ITGA9: variants seen among roughly 807,000 people sequenced by gnomAD.
ITGA9 encodes integrin alpha-9.
A neutral mutation model predicts 127.8 loss-of-function variants in ITGA9; 56 were observed. The observed-to-expected ratio is 0.44, with a 90% CI of 0.35 to 0.55. The LOEUF (loss-of-function observed/expected upper bound fraction) is 0.55, where lower values mean the gene tolerates loss of function less well. Ranked by LOEUF, ITGA9 falls within the 20% of genes least tolerant of loss-of-function variation. The pLI, the probability that ITGA9 is intolerant of heterozygous loss-of-function variation, is 0.00. For missense variants in ITGA9, 1,196 were observed against 1,347.1 expected (o/e 0.89, Z 1.76); for synonymous variants, 508 against 514.5 (o/e 0.99, Z 0.17).
Position 37,821,299 on chromosome 3 carries a change from T to C in ITGA9, c.*2310T>C, listed in dbSNP as rs1697512057. ...TCAAAAGCAGCAAGAAAAGCAGTCT[T>C]GGGTGGGTTTTATCACTTATTAACA... On this transcript the variant is annotated 3_prime_UTR_variant, in exon 28 of 28. Coordinates refer to ENST00000264741, the MANE Select transcript of ITGA9 (RefSeq NM_002207.3). The C allele has an allele frequency of 6.6e-6, 1 of 152,226 alleles. No individual in the cohort carries two copies. The highest frequency in any genetic ancestry group is 1.5e-5 in the Non-Finnish European group (1 of 68,102). The allele number at this position is 152,226 out of a possible 1,614,324, so 9.4% of individuals were successfully genotyped here.
At chr3:37,562,374 AAC>A (rs1699501993) in intron 15 of ITGA9, among the ~76,000 whole-genome samples, 1 of 152,094 alleles carries the variant, frequency 6.6e-6, no homozygotes, top group African/African-American at 2.4e-5. Flanking sequence ...TTCATTTTGG[AAC>A]TTATTCCACT....
In ITGA9 at chr3:37,523,658, G is replaced by T. The variant is rs1267517341; in HGVS notation, c.1327+47G>T. 3 of 1,281,832 alleles carry T rather than the reference G, an allele frequency of 2.3e-6. No homozygotes were observed. The Admixed American group carries it at 5.0e-5, about 22-fold the overall frequency. The allele number at this position is 1,281,832 out of a possible 1,614,324, so 79.4% of individuals were successfully genotyped here. A position where few individuals can be genotyped will look rare whatever the true frequency, so the allele number is the denominator to read the frequency against. On this transcript the variant is annotated intron_variant, in intron 12 of 27. Coordinates refer to ENST00000264741, the MANE Select transcript of ITGA9 (RefSeq NM_002207.3). ...GCACATGAGATAAATGAAGATAAAT[G>T]CATGAAGTAGAATAATTTTCAGTCT...
At chr3:37,489,914 C>T (rs1404655686) in intron 4 of ITGA9, among the ~76,000 whole-genome samples, 2 of 152,184 alleles carry the variant, frequency 1.3e-5, no homozygotes, top group East Asian at 1.9e-4. Flanking sequence ...GGTGAGAGCA[C>T]ACCTGGACAG....
chr3:37,812,371 C>T (rs564002104), intron 27 of ITGA9, among the ~76,000 whole-genome samples: 13 of 152,350 alleles, frequency 8.5e-5, no homozygotes, highest in South Asian at 6.2e-4. Context: ...CCAAAGGCCG[C>T]GGAGTGGGTA....
Position 37,517,607 on chromosome 3 carries a change from C to T in ITGA9, c.1139C>T (p.Pro380Leu). The change falls in exon 10 of 28, where the codon CCA (proline) becomes CTA (leucine). Residue 380 changes from proline to leucine, a missense_variant and splice_region_variant. By Grantham distance (98) the Pro-to-Leu change is moderately conservative (BLOSUM62 -3). Transcript: ENST00000264741. ...SLDDLDNDGF[P>L]DVAIGAPKED... is the part of the protein sequence containing the mutation. Reference sequence around the variant, plus strand: ...GACGATCTGGACAATGATGGGTTCCCAGGTGAGTGAGTGCTCCTGGTGCAC... The same window carrying T: ...GACGATCTGGACAATGATGGGTTCCTAGGTGAGTGAGTGCTCCTGGTGCAC... The T allele has an allele frequency of 6.4e-7, 1 of 1,573,954 alleles. No individual in the cohort carries two copies. Among genetic ancestry groups the T allele is most frequent in the Non-Finnish European group, 8.6e-7 (1 of 1,158,462 alleles).
At chr3:37,780,892 CT>C (rs1394516888) in intron 25 of ITGA9, among the ~76,000 whole-genome samples, 4 of 152,308 alleles carry the variant, frequency 2.6e-5, no homozygotes, top group Admixed American at 2.6e-4. Flanking sequence ...CCTTTTGAAA[CT>C]TTTCCAGCAA....
At chr3:37,740,643 T>C (rs566498272) in intron 20 of ITGA9, among the ~76,000 whole-genome samples, 22 of 152,282 alleles carry the variant, frequency 1.4e-4, no homozygotes, top group African/African-American at 5.3e-4. Flanking sequence ...ACTTGCTCCT[T>C]ACCTGTCAAA....
chr3:37,698,364 G>T (rs529417955), intron 18 of ITGA9, among the ~76,000 whole-genome samples: 69 of 152,146 alleles, frequency 4.5e-4, no homozygotes, highest in African/African-American at 1.6e-3. Flanking sequence ...GTCAATTTTG[G>T]CTTTTGTTGC....
intron 15 of ITGA9, among the ~76,000 whole-genome samples, chr3:37,611,541 C>CT (rs1700016555): frequency 6.6e-6 from 1 of 152,016 alleles, no homozygotes; most frequent in Admixed American, 6.6e-5. Flanking sequence ...TTTTGATGAC[C>CT]TTTTTTATTA....
At chr3:37,502,259 G>A (rs975772682) in intron 5 of ITGA9, among the ~76,000 whole-genome samples, 2 of 141,778 alleles carry the variant, frequency 1.4e-5, no homozygotes, top group East Asian at 4.2e-4. Context: ...ATGTCACCCA[G>A]GCTGGAATGC....
intron 3 of ITGA9, among the ~76,000 whole-genome samples, chr3:37,478,271 G>A (rs1254747236): frequency 6.6e-6 from 1 of 152,144 alleles, no homozygotes; most frequent in Non-Finnish European, 1.5e-5. Context: ...CATGACAAAG[G>A]CTTTGGCCAT....
In ITGA9 at chr3:37,519,320, G is replaced by T. The variant is rs1336248582; in HGVS notation, c.1202G>T (p.Gly401Val). The T allele has an allele frequency of 1.2e-6, 2 of 1,614,146 alleles. No individual in the cohort carries two copies. The highest frequency in any genetic ancestry group is 1.1e-5 in the South Asian group (1 of 91,066). The part of the protein sequence containing the change: ...DFAGAVYIYH[G>V]DAGGIVPQYS... ...GCAGGGGCGGTCTATATCTATCATG[G>T]TGATGCCGGTGGGATAGTCCCTCAG... is the stretch of plus-strand genomic sequence containing the variant. The change falls in exon 11 of 28, where the codon GGT becomes GTT. Residue 401 changes from glycine to valine, a missense_variant. By Grantham distance (109) the Gly-to-Val change is moderately radical. Coordinates refer to ENST00000264741, the MANE Select transcript of ITGA9 (RefSeq NM_002207.3).
At chr3:37,739,542 C>T (rs556134981) in intron 20 of ITGA9, among the ~76,000 whole-genome samples, 1 of 152,344 alleles carries the variant, frequency 6.6e-6, no homozygotes, top group East Asian at 1.9e-4. Flanking sequence ...TTGAAGGTCT[C>T]TTTGCCTACT....
At chr3:37,526,441 G>C (rs999364296) in intron 13 of ITGA9, among the ~76,000 whole-genome samples, 30 of 152,180 alleles carry the variant, frequency 2.0e-4, no homozygotes, top group African/African-American at 7.2e-4. Flanking sequence ...ATTTCCTGCG[G>C]GTGCTGGGAA....
In ITGA9 at chr3:37,517,535, G is replaced by A. The variant is rs1394355708; in HGVS notation, c.1067G>A (p.Gly356Glu). 1 of 1,598,958 alleles carries A rather than the reference G, an allele frequency of 6.3e-7. No individual in the cohort carries two copies. The highest frequency in any genetic ancestry group is 8.5e-7 in the Non-Finnish European group (1 of 1,172,690). ...GALEEQLALT[G>E]DGAYNAHFGE... ...CTCGAGGAGCAGCTGGCTCTGACTGGGGATGGTGCCTACAATGCGCACTTT... is the reference window on the plus strand; with the variant it reads ...CTCGAGGAGCAGCTGGCTCTGACTGAGGATGGTGCCTACAATGCGCACTTT... The change falls in exon 10 of 28, where the codon GGG becomes GAG. Residue 356 changes from glycine to glutamate, a missense_variant. Physicochemically the swap from Gly to Glu is moderately conservative, Grantham distance 98 (BLOSUM62 -2). Transcript: ENST00000264741.
chr3:37,734,986 C>T (rs931086500), intron 19 of ITGA9, among the ~76,000 whole-genome samples: 2 of 152,210 alleles, frequency 1.3e-5, no homozygotes, highest in African/African-American at 4.8e-5. Flanking sequence ...CCAGCAGAGA[C>T]GGGGCTCCCC....
intron 18 of ITGA9, among the ~76,000 whole-genome samples, chr3:37,708,882 C>T (rs988330455): frequency 3.3e-5 from 5 of 152,048 alleles, no homozygotes; most frequent in East Asian, 3.8e-4. Flanking sequence ...AGCATGATGG[C>T]GTTTAAGTTT....
intron 6 of ITGA9, among the ~76,000 whole-genome samples, chr3:37,504,223 G>A (rs1326345522): frequency 6.6e-6 from 1 of 152,184 alleles, no homozygotes; most frequent in African/African-American, 2.4e-5. Flanking sequence ...GCTGCCTAGT[G>A]CTGTTGCTTA....
intron 13 of ITGA9, among the ~76,000 whole-genome samples, chr3:37,527,687 T>C (rs1008080335): frequency 6.6e-6 from 1 of 152,208 alleles, no homozygotes; most frequent in Non-Finnish European, 1.5e-5. Flanking sequence ...TCATCTTTGC[T>C]CTCTTCATTA....
Sources: allele counts gnomAD v4.1 joint callset (sites outside exome capture counted in the v4.1 genomes callset), GRCh38; gene constraint gnomAD v4.1.1; transcripts MANE v1.5; gene names NCBI Gene and HGNC (gene_info 2026-07-23, HGNC 2026-07-21).